SYCP2L: variants seen among roughly 807,000 people sequenced by gnomAD.
SYCP2L encodes synaptonemal complex protein 2 like.
SYCP2L carries 98 observed loss-of-function variants against 125.8 expected under a neutral mutation model. The ratio of observed to expected loss-of-function variants is 0.78; its 90% confidence interval spans 0.66 to 0.92. The LOEUF (loss-of-function observed/expected upper bound fraction) is 0.92, where lower values mean the gene tolerates loss of function less well. SYCP2L is among the 40% of genes least tolerant of loss of function. SYCP2L has a pLI of 0.00. For missense variants in SYCP2L, 842 were observed against 936.4 expected (o/e 0.90, Z 1.32); for synonymous variants, 317 against 325.4 (o/e 0.97, Z 0.28).
intron 1 of SYCP2L, 132 bp downstream of exon 1, chr6:10,887,267 C>A: frequency 8.1e-7 from 1 of 1,232,120 alleles, no homozygotes; most frequent in Non-Finnish European, 1.2e-6. Flanking sequence ...CATAGTCCCC[C>A]GCCACCTCCT....
intron 25 of SYCP2L, among the ~76,000 whole-genome samples, chr6:10,957,103 A>G (rs1244338265): frequency 6.6e-6 from 1 of 152,214 alleles, no homozygotes; most frequent in Non-Finnish European, 1.5e-5. Flanking sequence ...TGCTGAGATT[A>G]CAGGTGTGAG....
chr6:10,952,032 G>A (rs1279335546), intron 23 of SYCP2L, among the ~76,000 whole-genome samples: 3 of 152,278 alleles, frequency 2.0e-5, no homozygotes, highest in East Asian at 1.9e-4. Context: ...CCCCTCTGCA[G>A]CCACCAACAC....
chr6:10,946,732 T>A (rs1781320089), intron 23 of SYCP2L, among the ~76,000 whole-genome samples: 2 of 152,092 alleles, frequency 1.3e-5, no homozygotes, highest in South Asian at 4.1e-4. Context: ...TTTGTCCTTT[T>A]TTTTCCCTCC....
intron 25 of SYCP2L, among the ~76,000 whole-genome samples, chr6:10,956,729 C>T (rs1338542176): frequency 6.6e-6 from 1 of 152,176 alleles, no homozygotes; most frequent in Non-Finnish European, 1.5e-5. Flanking sequence ...TCCCAAAGTG[C>T]TGAGATTACA....
At position 10,924,537 on chromosome 6, in the gene SYCP2L, C is replaced by T; in HGVS notation, c.1114C>T (p.Pro372Ser). 1 of 1,598,684 alleles carries T rather than the reference C, an allele frequency of 6.3e-7. No homozygotes were observed. The highest frequency in any genetic ancestry group is 8.5e-7 in the Non-Finnish European group (1 of 1,175,466). The change falls in exon 15 of 30, where the codon CCC becomes TCC. Residue 372 changes from proline to serine, a missense_variant. By Grantham distance (74) the Pro-to-Ser change is moderately conservative. Coordinates refer to ENST00000283141, the MANE Select transcript of SYCP2L (RefSeq NM_001040274.3). The part of the protein sequence containing the change: ...IKIFIIYLKK[P>S]MIISYKEVMK... The stretch of plus-strand genomic sequence containing the variant: ...GATATTTATCATTTACCTGAAGAAG[C>T]CCATGATTATCAGCTACAAAGAAGT...
intron 16 of SYCP2L, among the ~76,000 whole-genome samples, 153 bp from the exon 17 acceptor site, chr6:10,927,087 A>G (rs1409401373): frequency 1.3e-5 from 2 of 152,136 alleles, no homozygotes; most frequent in African/African-American, 4.8e-5. Context: ...GCCTGTACCC[A>G]TAGCTTTCTG....
chr6:10,910,831 T>C lies in SYCP2L; in HGVS notation c.880T>C (p.Ser294Pro). The stretch of plus-strand genomic sequence containing the variant: ...TTGTGAGGTATTTTGCAGGGTGTAT[T>C]CATTTCCGTGTATTGCTGCTTTTGC... The part of the protein sequence containing the change: ...NRLGDQRRVY[S>P]FPCIAAFADE... Residue 294 changes from serine (S) to proline (P), a missense_variant, in exon 12 of 30, where the codon TCA becomes CCA. By Grantham distance (74) the Ser-to-Pro change is moderately conservative (BLOSUM62 -1). Coordinates refer to ENST00000283141, the MANE Select transcript of SYCP2L (RefSeq NM_001040274.3). 2 of 1,614,098 alleles carry C rather than the reference T, an allele frequency of 1.2e-6. No homozygotes were observed. Among genetic ancestry groups the C allele is most frequent in the Non-Finnish European group, 1.7e-6 (2 of 1,179,982 alleles).
At chr6:10,922,266 T>A (rs1780811308) in intron 14 of SYCP2L, among the ~76,000 whole-genome samples, 1 of 152,192 alleles carries the variant, frequency 6.6e-6, no homozygotes, top group African/African-American at 2.4e-5. Flanking sequence ...GAAGTAGGTA[T>A]TACTCTTTCC....
chr6:10,922,870 G>T (rs920346227), intron 14 of SYCP2L: 1 of 152,050 alleles, frequency 6.6e-6, no homozygotes, highest in Non-Finnish European at 1.5e-5. Context: ...GATTAAAAAA[G>T]TAGATTAAGT....
In SYCP2L at chr6:10,961,423, G is replaced by A. The variant is rs753170525; in HGVS notation, c.2355+19G>A. On this transcript the variant is annotated intron_variant, in intron 27 of 29. Transcript: ENST00000283141. Reference sequence around the variant, plus strand: ...GGTTCTGGTAAGTTCTTTTTGTGTGGAACATTTTCTGACTTCGGATCTTTC... The same window carrying A: ...GGTTCTGGTAAGTTCTTTTTGTGTGAAACATTTTCTGACTTCGGATCTTTC... 6.2e-7 allele frequency: 1 copy of A among 1,613,562 alleles called. No homozygotes were observed. Among genetic ancestry groups the A allele is most frequent in the Non-Finnish European group, 8.5e-7 (1 of 1,179,612 alleles).
At chr6:10,942,353 G>A in intron 21 of SYCP2L, 106 bp from the exon 22 acceptor site, 1 of 736,276 alleles carries the variant, frequency 1.4e-6, no homozygotes, top group Non-Finnish European at 2.1e-6. Flanking sequence ...ACTTAGAACT[G>A]TGTTCCTTTT....
chr6:10,953,934 G>A (rs1328067090), intron 23 of SYCP2L, among the ~76,000 whole-genome samples: 1 of 151,786 alleles, frequency 6.6e-6, no homozygotes, highest in Non-Finnish European at 1.5e-5. Context: ...GAGGTCAGAG[G>A]AGTCTCAAGT....
chr6:10,935,207 C>T lies in SYCP2L; in HGVS notation c.1813+20C>T. The T allele has an allele frequency of 6.2e-7, 1 of 1,603,084 alleles. No homozygotes were observed. Among genetic ancestry groups the T allele is most frequent in the Non-Finnish European group, 8.5e-7 (1 of 1,177,322 alleles). Reference sequence around the variant, plus strand: ...AAACAGGTACATGATTTTCTGTTGACTTACATAGGAAAAAATTTGTATTTG... The same window carrying T: ...AAACAGGTACATGATTTTCTGTTGATTTACATAGGAAAAAATTTGTATTTG... On this transcript the variant is annotated intron_variant, in intron 21 of 29. Transcript: ENST00000283141.
chr6:10,925,359 A>G (rs1410409590), intron 15 of SYCP2L, among the ~76,000 whole-genome samples: 1 of 152,208 alleles, frequency 6.6e-6, no homozygotes, highest in Non-Finnish European at 1.5e-5. Flanking sequence ...GGGAGTCATT[A>G]GGAATAAAGT....
chr6:10,966,282 CAGT>C (rs1443097877), intron 29 of SYCP2L, among the ~76,000 whole-genome samples: 1 of 152,134 alleles, frequency 6.6e-6, no homozygotes, highest in Non-Finnish European at 1.5e-5. Flanking sequence ...CATTAATTAC[CAGT>C]AGATCTAGGG....
At position 10,907,618 on chromosome 6, in the gene SYCP2L, T is replaced by G; in HGVS notation, c.753T>G (p.His251Gln). The change falls in exon 10 of 30, where the codon CAT becomes CAG. Residue 251 changes from histidine (H) to glutamine (Q), a missense_variant. His to Gln is a conservative substitution (Grantham distance 24). Coordinates refer to ENST00000283141, the MANE Select transcript of SYCP2L (RefSeq NM_001040274.3). ...AAAAATCAAGGGATGAACTTGTCCA[T>G]AAATGGTTTGATGATGAAGTCATTG... ...TIKKSRDELV[H>Q]KWFDDEVIAE... is the part of the protein sequence containing the mutation. 3 of 1,614,062 alleles carry G rather than the reference T, an allele frequency of 1.9e-6. No homozygotes were observed. In the South Asian group the frequency reaches 3.3e-5, roughly 18 times the overall value.
chr6:10,970,213 G>C (rs143848818), intron 29 of SYCP2L, among the ~76,000 whole-genome samples: 1 of 152,320 alleles, frequency 6.6e-6, no homozygotes, highest in Non-Finnish European at 1.5e-5. Context: ...CAGCAGGGAA[G>C]ACTGAGGAAG....
rs1326952685 is a variant in SYCP2L, at chr6:10,931,479, A to T, written c.1673A>T (p.Glu558Val). The change falls in exon 20 of 30, where the codon GAG (glutamate) becomes GTG (valine). Residue 558 changes from glutamate to valine, a missense_variant. Glu to Val is a moderately radical substitution (Grantham distance 121). Coordinates refer to ENST00000283141, the MANE Select transcript of SYCP2L (RefSeq NM_001040274.3). ...VFPPSSGSGH[E>V]KDQAKLLSPS... ...CCTCCCAGTAGTGGCAGTGGCCATGAGAAAGACCAAGTAAGTACATTGTAT... is the reference window on the plus strand; with the variant it reads ...CCTCCCAGTAGTGGCAGTGGCCATGTGAAAGACCAAGTAAGTACATTGTAT... The T allele has an allele frequency of 4.3e-6, 7 of 1,614,058 alleles. No homozygotes were observed. Among genetic ancestry groups the T allele is most frequent in the Non-Finnish European group, 5.9e-6 (7 of 1,179,890 alleles).
chr6:10,965,363 G>A (rs1406470416), intron 29 of SYCP2L, among the ~76,000 whole-genome samples: 1 of 152,194 alleles, frequency 6.6e-6, no homozygotes, highest in Non-Finnish European at 1.5e-5. Flanking sequence ...TTTGTCTTTT[G>A]CAGTGAGATG....
Sources: gnomAD v4.1 joint callset for allele counts (sites outside exome capture counted in the v4.1 genomes callset) on GRCh38, gnomAD v4.1.1 for gene constraint, MANE v1.5 for transcripts, NCBI Gene and HGNC (gene_info 2026-07-23, HGNC 2026-07-21) for gene names.